Variants in GPC5 observed in about 807,000 individuals in gnomAD.
The protein encoded by GPC5 is glypican-5.
In GPC5, 47 loss-of-function variants were observed where a neutral mutation model predicts 53.9. The observed-to-expected ratio is 0.87, with a 90% CI of 0.69 to 1.11. The LOEUF is 1.11. Ranked by LOEUF, GPC5 falls within the 50% of genes most tolerant of loss-of-function variation. The pLI is 0.00. For synonymous variants in GPC5, 286 were observed against 263.3 expected (o/e 1.09, Z -0.84); for missense variants, 748 against 713.1 (o/e 1.05, Z -0.56).
At chr13:91,673,306 C>T (rs1312615027) in intron 2 of GPC5, among the ~76,000 whole-genome samples, 5 of 152,064 alleles carry the variant, frequency 3.3e-5, no homozygotes, top group African/African-American at 1.2e-4. Flanking sequence ...AATCTGTAAC[C>T]TGTCCCCTCC....
At chr13:92,137,611 T>C (rs1024950695) in intron 6 of GPC5, among the ~76,000 whole-genome samples, 2 of 152,294 alleles carry the variant, frequency 1.3e-5, no homozygotes, top group South Asian at 2.1e-4. Flanking sequence ...TATTACCTTT[T>C]TGTTGTCTTT....
chr13:92,012,445 C>T (rs1305060546), intron 6 of GPC5, among the ~76,000 whole-genome samples: 1 of 151,982 alleles, frequency 6.6e-6, no homozygotes, highest in Non-Finnish European at 1.5e-5. Flanking sequence ...TTTCTTCTTG[C>T]ATATTTGGAT....
chr13:91,667,453 G>C (rs2035143162), intron 2 of GPC5, among the ~76,000 whole-genome samples: 1 of 152,182 alleles, frequency 6.6e-6, no homozygotes, highest in African/African-American at 2.4e-5. Context: ...ATACAGTTGA[G>C]TGAAGTCAGC....
chr13:91,954,120 A>T (rs1421803022), intron 6 of GPC5, among the ~76,000 whole-genome samples: 1 of 152,176 alleles, frequency 6.6e-6, no homozygotes, highest in Non-Finnish European at 1.5e-5. Context: ...AAAAAGATAC[A>T]ATTCCATAAG....
intron 2 of GPC5, among the ~76,000 whole-genome samples, chr13:91,601,724 C>T (rs2033187982): frequency 6.6e-6 from 1 of 152,226 alleles, no homozygotes; most frequent in Non-Finnish European, 1.5e-5. Flanking sequence ...CCAGATGGGA[C>T]TGTCTAGTTG....
intron 2 of GPC5, among the ~76,000 whole-genome samples, chr13:91,499,300 G>C (rs925176356): frequency 1.3e-5 from 2 of 152,240 alleles, no homozygotes; most frequent in African/African-American, 4.8e-5. Context: ...TCCATAGGTA[G>C]TATGTGTTTA....
chr13:92,009,482 G>C (rs992416495), intron 6 of GPC5, among the ~76,000 whole-genome samples: 4 of 152,028 alleles, frequency 2.6e-5, no homozygotes, highest in Non-Finnish European at 2.9e-5. Flanking sequence ...CTCCTCTCTG[G>C]CAGGTCAAAA....
chr13:92,421,485 G>A lies in GPC5; in HGVS notation c.1561+276496G>A, dbSNP rs191625335. On this transcript the variant is annotated intron_variant, in intron 7 of 7. Transcript: ENST00000377067. ...GAGGCCGAGGCGGGTGGATCACGAG[G>A]TCAGGAGATCGAAACCATCCTGGCT... Among the ~76,000 whole-genome samples, 771 of 152,166 alleles carry A rather than the reference G, an allele frequency of 5.1e-3. 7 individuals carry two copies. Among genetic ancestry groups the A allele is most frequent in the African/African-American group, 0.017 (722 of 41,524 alleles).
chr13:92,360,425 C>T (rs1270912720), intron 7 of GPC5, among the ~76,000 whole-genome samples: 1 of 151,640 alleles, frequency 6.6e-6, no homozygotes, highest in Non-Finnish European at 1.5e-5. Flanking sequence ...TAGAATTCAA[C>T]ATCATTTCAT....
chr13:92,303,759 C>G (rs1225841114), intron 7 of GPC5, among the ~76,000 whole-genome samples: 1 of 152,188 alleles, frequency 6.6e-6, no homozygotes, highest in African/African-American at 2.4e-5. Flanking sequence ...AGAAATAATA[C>G]TCATACAGTG....
chr13:92,390,777 T>C lies in GPC5; in HGVS notation c.1561+245788T>C, dbSNP rs145875588. 2.1e-3 allele frequency among the ~76,000 whole-genome samples: 326 copies of C among 152,332 alleles called. 2 individuals are homozygous for C. The highest frequency in any genetic ancestry group is 7.5e-3 in the African/African-American group (311 of 41,576). On this transcript the variant is annotated intron_variant, in intron 7 of 7. Transcript: ENST00000377067. ...AGATGAATATGTGTTTTATCAAGTA[T>C]ATATAACTTTAACAAGGAAGTTTTA...
At chr13:92,323,156 G>C (rs2043226985) in intron 7 of GPC5, among the ~76,000 whole-genome samples, 1 of 151,246 alleles carries the variant, frequency 6.6e-6, no homozygotes, top group Non-Finnish European at 1.5e-5. Flanking sequence ...AGAAATCACA[G>C]TTTCAATATC....
At chr13:91,586,937 A>G (rs2032619928) in intron 2 of GPC5, among the ~76,000 whole-genome samples, 2 of 152,126 alleles carry the variant, frequency 1.3e-5, no homozygotes, top group Non-Finnish European at 2.9e-5. Flanking sequence ...TTGGGGTAAC[A>G]GGCTAGGTAT....
intron 6 of GPC5, among the ~76,000 whole-genome samples, chr13:92,142,552 TTTAACA>T (rs2041839242): frequency 6.6e-6 from 1 of 152,246 alleles, no homozygotes; most frequent in Non-Finnish European, 1.5e-5. Context: ...CTCCATTATA[TTTAACA>T]ATAATTACAA....
At chr13:91,920,926 CT>C (rs869309251) in intron 6 of GPC5, among the ~76,000 whole-genome samples, 7 of 32,158 alleles carry the variant, frequency 2.2e-4, no homozygotes, top group African/African-American at 4.9e-4. Flanking sequence ...CTCTCTCTCT[CT>C]TTTTTTTTTT....
At chr13:92,006,623 ATTTACC>A (rs985692796) in intron 6 of GPC5, among the ~76,000 whole-genome samples, 8 of 152,124 alleles carry the variant, frequency 5.3e-5, no homozygotes, top group African/African-American at 1.9e-4. Context: ...AGTGGAAAAC[ATTTACC>A]TTTAAGTTAC....
At chr13:92,516,819 C>T (rs759867322) in intron 7 of GPC5, among the ~76,000 whole-genome samples, 17 of 152,070 alleles carry the variant, frequency 1.1e-4, no homozygotes, top group African/African-American at 2.9e-4. Flanking sequence ...TGGGGTTCAT[C>T]GGACAGTGGG....
At chr13:91,818,894 G>A (rs1242806354) in intron 5 of GPC5, among the ~76,000 whole-genome samples, 1 of 152,158 alleles carries the variant, frequency 6.6e-6, no homozygotes, top group East Asian at 1.9e-4. Flanking sequence ...CTTGAAGACA[G>A]CCACTGGACT....
intron 2 of GPC5, among the ~76,000 whole-genome samples, chr13:91,457,560 G>T (rs1881649012): frequency 6.6e-6 from 1 of 152,190 alleles, no homozygotes; most frequent in East Asian, 1.9e-4. Context: ...ATAGCCATGT[G>T]CATAGGGACA....
Sources: allele counts gnomAD v4.1 joint callset (sites outside exome capture counted in the v4.1 genomes callset), GRCh38; gene constraint gnomAD v4.1.1; transcripts MANE v1.5; gene names NCBI Gene and HGNC (gene_info 2026-07-23, HGNC 2026-07-21).